The following SBNO2 variants were observed in gnomAD, a reference collection of about 807,000 sequenced individuals.
SBNO2 encodes the protein strawberry notch homolog 2, also known as protein strawberry notch homolog 2.
SBNO2 carries 89 observed loss-of-function variants against 146.3 expected under a neutral mutation model. The observed-to-expected ratio is 0.61, with a 90% CI of 0.51 to 0.73. SBNO2 has a LOEUF of 0.73. Among genes scored for constraint, SBNO2 ranks in the 30% least tolerant of loss-of-function variants. The pLI is 0.00. For missense variants in SBNO2, 2,092 were observed against 2,003.7 expected (o/e 1.04, Z -0.84); for synonymous variants, 1,147 against 892.6 (o/e 1.29, Z -5.08).
chr19:1,123,648 G>GT lies in SBNO2; in HGVS notation c.523-10dup. ...CTCTGCACACTCTGCTCCTGCGTGCGTGGCGGGAGCTCAGCGGAGACTGCA... is the reference window on the plus strand; with the variant it reads ...CTCTGCACACTCTGCTCCTGCGTGCGTTGGCGGGAGCTCAGCGGAGACTGCA... On this transcript the variant is annotated splice_polypyrimidine_tract_variant and intron_variant, in intron 6 of 31. Transcript: ENST00000361757. The GT allele has an allele frequency of 1.2e-6, 2 of 1,606,236 alleles. No homozygotes were observed. The highest frequency in any genetic ancestry group is 2.7e-5 in the African/African-American group (2 of 74,912).
Position 1,123,644 on chromosome 19 carries a change from G to A in SBNO2, c.523-5C>T, listed in dbSNP as rs748149528. The A allele has an allele frequency of 5.6e-6, 9 of 1,608,692 alleles. No individual in the cohort carries two copies. The highest frequency in any genetic ancestry group is 2.2e-5 in the East Asian group (1 of 44,768). On this transcript the variant is annotated splice_polypyrimidine_tract_variant and splice_region_variant and intron_variant, in intron 6 of 31. Transcript: ENST00000361757. ...CTGGCTCTGCACACTCTGCTCCTGC[G>A]TGCGTGGCGGGAGCTCAGCGGAGAC...
At chr19:1,128,146 A>T in intron 4 of SBNO2, 1 of 476,072 alleles carries the variant, frequency 2.1e-6, no homozygotes, top group Non-Finnish European at 4.2e-6. Context: ...CTCAAAAAAG[A>T]AAAAAATAAA....
At chr19:1,122,610 T>TCCTCCCCCCCCCCCCCCCCC in intron 9 of SBNO2, 48 bp downstream of exon 9, 1 of 694,606 alleles carries the variant, frequency 1.4e-6, no homozygotes, top group Non-Finnish European at 2.0e-6. Context: ...GCCCCCCGCT[T>TCCTCCCCCCCCCCCCCCCCC]CCGCCCCCCA....
rs1401607399 is a variant in SBNO2, at chr19:1,110,646, C to T, written c.3028+99G>A. On this transcript the variant is annotated intron_variant, in intron 26 of 31. Coordinates refer to ENST00000361757, the MANE Select transcript of SBNO2 (RefSeq NM_014963.3). The surrounding 1 kb of genome is among the most constrained non-coding windows in gnomAD (Gnocchi z 4.9). ...GAGCCCCTCGCCCACCCGGGATGCC[C>T]GGTGTTCCCACGAGCCCCGAGCCCA... The T allele has an allele frequency of 3.6e-6, 5 of 1,403,316 alleles. No individual in the cohort carries two copies. The highest frequency in any genetic ancestry group is 1.4e-5 in the African/African-American group (1 of 68,980). The allele number at this position is 1,403,316 out of a possible 1,614,324, so 86.9% of individuals were successfully genotyped here. A position where few individuals can be genotyped will look rare whatever the true frequency, so the allele number is the denominator to read the frequency against.
At chr19:1,154,655 G>C (rs1370798849) in intron 1 of SBNO2, among the ~76,000 whole-genome samples, 1 of 152,214 alleles carries the variant, frequency 6.6e-6, no homozygotes, top group East Asian at 1.9e-4. Flanking sequence ...GATTAAGGTG[G>C]GCCCGACAGG....
chr19:1,152,254 C>T lies in SBNO2; in HGVS notation c.93+1930G>A, dbSNP rs1263366931. On this transcript the variant is annotated intron_variant, in intron 2 of 31. Transcript: ENST00000361757. Reference sequence around the variant, plus strand: ...AACACCTTCCTGCTCCCGCTCGGATCCTTGAAGATGGCTCCTCTGTCTCCA... The same window carrying T: ...AACACCTTCCTGCTCCCGCTCGGATTCTTGAAGATGGCTCCTCTGTCTCCA... 2.0e-5 allele frequency among the ~76,000 whole-genome samples: 3 copies of T among 152,332 alleles called. No individual in the cohort carries two copies. The East Asian group carries it at 5.8e-4, about 29-fold the overall frequency.
At position 1,157,858 on chromosome 19, in the gene SBNO2, T is replaced by C. The variant is rs1443960429; in HGVS notation, c.-126-3456A>G. ...GCGTCCGCCTCCCAGCTCTCTCTCT[T>C]GAGTCCGGGTAACTGCATCTGCCTC... On this transcript the variant is annotated intron_variant, in intron 1 of 31. Coordinates refer to ENST00000361757, the MANE Select transcript of SBNO2 (RefSeq NM_014963.3). The surrounding 1 kb of genome is among the most constrained non-coding windows in gnomAD (Gnocchi z 6.8). 6.7e-6 allele frequency among the ~76,000 whole-genome samples: 1 copy of C among 150,356 alleles called. No homozygotes were observed. Among genetic ancestry groups the C allele is most frequent in the African/African-American group, 2.5e-5 (1 of 40,260 alleles).
At chr19:1,155,811 C>T (rs1052948597) in intron 1 of SBNO2, among the ~76,000 whole-genome samples, 7 of 152,196 alleles carry the variant, frequency 4.6e-5, no homozygotes, top group African/African-American at 1.7e-4. Context: ...CATCCAGGGG[C>T]CCACCAGTGC....
Position 1,120,124 on chromosome 19 carries a change from A to G in SBNO2, c.1150-101T>C. 4.4e-6 allele frequency: 4 copies of G among 905,310 alleles called. No homozygotes were observed. The Admixed American group carries it at 9.6e-5, about 22-fold the overall frequency. The allele number at this position is 905,310 out of a possible 1,614,324, so 56.1% of individuals were successfully genotyped here. On this transcript the variant is annotated intron_variant, in intron 11 of 31. Coordinates refer to ENST00000361757, the MANE Select transcript of SBNO2 (RefSeq NM_014963.3). ...ACCCCACCTTCCTGGTGGGGGGCAAACGCCTGTGCGGCTGAGAACTCCACG... is the reference window on the plus strand; with the variant it reads ...ACCCCACCTTCCTGGTGGGGGGCAAGCGCCTGTGCGGCTGAGAACTCCACG...
chr19:1,133,144 G>A (rs2080050254), intron 4 of SBNO2, among the ~76,000 whole-genome samples: 1 of 152,122 alleles, frequency 6.6e-6, no homozygotes, highest in African/African-American at 2.4e-5. Flanking sequence ...GGGGGTGGGA[G>A]GACGGCCGGG....
In SBNO2 at chr19:1,109,333, G is replaced by A. The variant is rs2079722794; in HGVS notation, c.3307C>T (p.Gln1103Ter). 6.3e-7 allele frequency: 1 copy of A among 1,595,044 alleles called. No individual in the cohort carries two copies. The highest frequency in any genetic ancestry group is 8.5e-7 in the Non-Finnish European group (1 of 1,172,032). Reference protein sequence around the residue: ...VYKPNIGRQSQLEALDSLRRK... With the variant: ...VYKPNIGRQS The stretch of plus-strand genomic sequence containing the variant: ...CGGAGGCTGTCCAGGGCCTCCAGCT[G>A]GCTCTGCCGGCCGATGTTGGGCTTG... The change falls in exon 29 of 32, where the codon CAG (glutamine) becomes TAG (stop). Residue 1103 changes from glutamine (Q) to a stop codon, truncating the protein, a stop_gained. Coordinates refer to ENST00000361757, the MANE Select transcript of SBNO2 (RefSeq NM_014963.3). LOFTEE classifies it high-confidence loss of function. This position sits in a 1 kb window ranked among gnomAD's most constrained non-coding sequence, Gnocchi z 4.2.
At chr19:1,154,672 CAGG>C (rs2080273038) in intron 1 of SBNO2, among the ~76,000 whole-genome samples, 1 of 152,202 alleles carries the variant, frequency 6.6e-6, no homozygotes, top group African/African-American at 2.4e-5. Flanking sequence ...CAGGGCTGCC[CAGG>C]TCACAGGGCA....
chr19:1,123,460 G>A (rs2079928747), intron 7 of SBNO2, 74 bp downstream of exon 7: 2 of 1,268,996 alleles, frequency 1.6e-6, no homozygotes, highest in Non-Finnish European at 2.3e-6. Flanking sequence ...TGCGGGCGGT[G>A]GTCACCTGCA....
rs568185391 is a variant in SBNO2, at chr19:1,123,173, T to G, written c.629-128A>C. Reference sequence around the variant, plus strand: ...GGGGCAGTTTGGGGGCGTGGCCAGGTCCCGTTGGGCGGGTCATGGGCGTGG... The same window carrying G: ...GGGGCAGTTTGGGGGCGTGGCCAGGGCCCGTTGGGCGGGTCATGGGCGTGG... On this transcript the variant is annotated intron_variant, in intron 7 of 31. Transcript: ENST00000361757. The G allele has an allele frequency of 5.3e-5, 58 of 1,087,382 alleles. 1 individual carries two copies. The South Asian group carries it at 7.6e-4, about 14-fold the overall frequency. The allele number at this position is 1,087,382 out of a possible 1,614,324, so 67.4% of individuals were successfully genotyped here.
At position 1,157,395 on chromosome 19, in the gene SBNO2, G is replaced by C. The variant is rs1053569712; in HGVS notation, c.-126-2993C>G. On this transcript the variant is annotated intron_variant, in intron 1 of 31. Coordinates refer to ENST00000361757, the MANE Select transcript of SBNO2 (RefSeq NM_014963.3). This position sits in a 1 kb window ranked among gnomAD's most constrained non-coding sequence, Gnocchi z 6.8. ...CCCTCTGCCACGCAGCCCCGGAGAC[G>C]CTCTCCCCACGCGGCCCCGGAGACC... Among the ~76,000 whole-genome samples, 2 of 149,680 alleles carry C rather than the reference G, an allele frequency of 1.3e-5. No homozygotes were observed. The highest frequency in any genetic ancestry group is 5.0e-5 in the African/African-American group (2 of 40,214).
At chr19:1,127,419 T>G (rs2079977810) in intron 5 of SBNO2, 185 bp downstream of exon 5, 3 of 622,512 alleles carry the variant, frequency 4.8e-6, no homozygotes, top group Non-Finnish European at 8.5e-6. Context: ...CTTCTCCTAT[T>G]CAGGACACAA....
chr19:1,115,910 C>T (rs1367499998), intron 17 of SBNO2, 111 bp downstream of exon 17: 4 of 859,880 alleles, frequency 4.7e-6, no homozygotes, highest in Non-Finnish European at 7.5e-6. Flanking sequence ...ACAGGACCTG[C>T]ATTTGGCTGA....
intron 19 of SBNO2, among the ~76,000 whole-genome samples, chr19:1,113,288 C>A (rs982540748): frequency 2.0e-5 from 3 of 152,142 alleles, no homozygotes; most frequent in African/African-American, 7.2e-5. Context: ...CAGAGGCCTG[C>A]GCAGGCCAGG....
Position 1,110,854 on chromosome 19 carries a change from C to T in SBNO2, c.2919G>A (p.Leu973=). ...CSITKFLNRI[L]GLEVHKQNAL... ...CGTTCTGCTTGTGCACCTCCAGCCC[C>T]AGGATGCGGTTCAGGAACTTGGTGA... Residue 973 remains leucine (L), a synonymous_variant, in exon 26 of 32, where the codon CTG becomes CTA. Transcript: ENST00000361757. This position sits in a 1 kb window ranked among gnomAD's most constrained non-coding sequence, Gnocchi z 4.9. 6.2e-7 allele frequency: 1 copy of T among 1,613,750 alleles called. No individual in the cohort carries two copies. Among genetic ancestry groups the T allele is most frequent in the Non-Finnish European group, 8.5e-7 (1 of 1,179,760 alleles).
Sources: gnomAD v4.1 joint callset for allele counts (sites outside exome capture counted in the v4.1 genomes callset) on GRCh38, gnomAD v4.1.1 for gene constraint, Gnocchi (gnomAD v3.1) non-coding constraint, MANE v1.5 for transcripts, NCBI Gene and HGNC (gene_info 2026-07-23, HGNC 2026-07-21) for gene names.